COL8A1: variants seen among roughly 807,000 people sequenced by gnomAD.
COL8A1 encodes the protein collagen alpha-1(VIII) chain.
In COL8A1, 21 loss-of-function variants were observed where a neutral mutation model predicts 42.7. The observed-to-expected ratio is 0.49, with a 90% CI of 0.35 to 0.71. The LOEUF (loss-of-function observed/expected upper bound fraction) is 0.71. COL8A1 is among the 30% of genes least tolerant of loss of function. The probability of loss-of-function intolerance (pLI) is 0.01; values close to 1 mark genes in which losing one functional copy is unlikely to be tolerated. For synonymous variants in COL8A1, 367 were observed against 369.1 expected (o/e 0.99, Z 0.06); for missense variants, 788 against 962.4 (o/e 0.82, Z 2.40).
At chr3:99,725,776 G>A (rs576583322) in intron 1 of COL8A1, among the ~76,000 whole-genome samples, 37 of 151,974 alleles carry the variant, frequency 2.4e-4, no homozygotes, top group African/African-American at 8.0e-4. Context: ...ACTATTCCAT[G>A]GTGCATATGT....
chr3:99,792,035 C>G (rs1039449434), intron 3 of COL8A1, among the ~76,000 whole-genome samples: 2 of 152,278 alleles, frequency 1.3e-5, no homozygotes, highest in Middle Eastern at 3.4e-3. Flanking sequence ...GTGCTAGACA[C>G]CAGGGATTCC....
intron 1 of COL8A1, among the ~76,000 whole-genome samples, chr3:99,694,430 C>T (rs372832433): frequency 4.0e-5 from 6 of 151,800 alleles, no homozygotes; most frequent in African/African-American, 1.5e-4. Context: ...GAGCCGAGAT[C>T]GCACCACTCC....
intron 1 of COL8A1, among the ~76,000 whole-genome samples, chr3:99,736,062 C>T (rs1576455609): frequency 6.6e-6 from 1 of 151,956 alleles, no homozygotes; most frequent in Admixed American, 6.6e-5. Flanking sequence ...ATTAGTCTTG[C>T]TAGCGGTCTA....
chr3:99,776,725 C>G (rs1941700022), intron 2 of COL8A1, among the ~76,000 whole-genome samples: 1 of 152,186 alleles, frequency 6.6e-6, no homozygotes, highest in Non-Finnish European at 1.5e-5. Context: ...ATAGGCAGTG[C>G]AGCAGCTTGG....
intron 2 of COL8A1, among the ~76,000 whole-genome samples, chr3:99,759,567 C>T (rs562107058): frequency 4.5e-4 from 68 of 152,280 alleles, no homozygotes; most frequent in African/African-American, 1.5e-3. Context: ...ATGTCAGACA[C>T]ATCCATGTTC....
chr3:99,648,844 T>C (rs913164136), intron 1 of COL8A1, among the ~76,000 whole-genome samples: 15 of 152,176 alleles, frequency 9.9e-5, no homozygotes, highest in African/African-American at 3.6e-4. Flanking sequence ...TAAACATGAC[T>C]TAAATGTTTC....
chr3:99,668,071 GA>G (rs1365157835), intron 1 of COL8A1, among the ~76,000 whole-genome samples: 1 of 152,022 alleles, frequency 6.6e-6, no homozygotes, highest in Admixed American at 6.6e-5. Flanking sequence ...TAAAAGGGAA[GA>G]AATATTTGAA....
At chr3:99,652,211 G>C (rs1032674729) in intron 1 of COL8A1, among the ~76,000 whole-genome samples, 1 of 152,180 alleles carries the variant, frequency 6.6e-6, no homozygotes, top group Non-Finnish European at 1.5e-5. Flanking sequence ...GAGATGTTTA[G>C]CTTCTCATAT....
rs377382587 is a variant in COL8A1, at chr3:99,646,824, A to G, written c.-129+8160A>G. Among the ~76,000 whole-genome samples the G allele has an allele frequency of 1.9e-4, 29 of 152,356 alleles. 1 individual carries two copies. In the South Asian group the frequency reaches 5.4e-3, roughly 28 times the overall value. ...TGGCTTAAAGAGTCTTAAAAGGCTT[A>G]TATTCTTACCAATCTGTATTTTGAG... On this transcript the variant is annotated intron_variant, in intron 1 of 3. Transcript: ENST00000652472.
intron 2 of COL8A1, among the ~76,000 whole-genome samples, chr3:99,760,346 A>G (rs1308958499): frequency 1.3e-5 from 2 of 152,152 alleles, no homozygotes; most frequent in African/African-American, 4.8e-5. Context: ...GGAAGTACCA[A>G]AATAAATGGA....
chr3:99,693,459 G>T (rs190544799), intron 1 of COL8A1, among the ~76,000 whole-genome samples: 93 of 152,184 alleles, frequency 6.1e-4, no homozygotes, highest in African/African-American at 2.2e-3. Context: ...TGAAGATGTG[G>T]GTGTGGAGAA....
At position 99,645,283 on chromosome 3, in the gene COL8A1, T is replaced by C. The variant is rs555862102; in HGVS notation, c.-129+6619T>C. On this transcript the variant is annotated intron_variant, in intron 1 of 3. Coordinates refer to ENST00000652472, the MANE Select transcript of COL8A1 (RefSeq NM_020351.4). ...AATGCTATCAATCCAAACAAGCGAC[T>C]TCTTGTTAAATGGCAGACATAAGAT... Among the ~76,000 whole-genome samples the C allele has an allele frequency of 2.2e-4, 33 of 152,128 alleles. No individual in the cohort carries two copies. The South Asian group carries it at 6.6e-3, about 31-fold the overall frequency.
intron 1 of COL8A1, among the ~76,000 whole-genome samples, chr3:99,667,526 A>T (rs183701256): frequency 5.9e-5 from 9 of 152,160 alleles, no homozygotes; most frequent in Non-Finnish European, 1.2e-4. Context: ...AGGAGGAAGA[A>T]TTTTTCTCTG....
At chr3:99,729,562 G>A (rs1191098003) in intron 1 of COL8A1, among the ~76,000 whole-genome samples, 1 of 151,946 alleles carries the variant, frequency 6.6e-6, no homozygotes, top group Non-Finnish European at 1.5e-5. Context: ...TGGTGCCTTA[G>A]TACATCCTTA....
intron 1 of COL8A1, among the ~76,000 whole-genome samples, chr3:99,712,396 G>C (rs1182828896): frequency 6.6e-6 from 1 of 152,082 alleles, no homozygotes; most frequent in Non-Finnish European, 1.5e-5. Context: ...GGCAAGGCAT[G>C]TTGGCCAAGC....
chr3:99,739,603 G>T (rs189201271), intron 1 of COL8A1, among the ~76,000 whole-genome samples: 154 of 152,222 alleles, frequency 1.0e-3, no homozygotes, highest in African/African-American at 3.7e-3. Flanking sequence ...CCAAAGCTTG[G>T]GGTTTGCACC....
chr3:99,728,158 A>G (rs1940394089), intron 1 of COL8A1, among the ~76,000 whole-genome samples: 1 of 152,022 alleles, frequency 6.6e-6, no homozygotes, highest in Admixed American at 6.6e-5. Context: ...TAGGCAGGAG[A>G]AGGAATTAAA....
rs770660787 is a variant in COL8A1 at position 99,796,031 on chromosome 3, C to A, written c.2130C>A (p.Pro710=). 1.2e-6 allele frequency: 2 copies of A among 1,613,408 alleles called. No homozygotes were observed. The highest frequency in any genetic ancestry group is 4.5e-5 in the East Asian group (2 of 44,884). Residue 710 remains proline (P), a synonymous_variant, in exon 4 of 4, where the codon CCC becomes CCA. Coordinates refer to ENST00000652472, the MANE Select transcript of COL8A1 (RefSeq NM_020351.4). Reference sequence around the variant, plus strand: ...GGAGTGCAGTGCTGCTGCTCAGGCCCGGAGACCGGGTGTTCCTCCAGATGC... The same window carrying A: ...GGAGTGCAGTGCTGCTGCTCAGGCCAGGAGACCGGGTGTTCCTCCAGATGC... ...ASGSAVLLLR[P]GDRVFLQMPS...
At chr3:99,712,617 C>T (rs557818313) in intron 1 of COL8A1, among the ~76,000 whole-genome samples, 1 of 152,104 alleles carries the variant, frequency 6.6e-6, no homozygotes, top group Non-Finnish European at 1.5e-5. Flanking sequence ...TAAAAGGAAA[C>T]AGCTAAAGAT....
Sources: gnomAD v4.1 joint callset for allele counts (sites outside exome capture counted in the v4.1 genomes callset) on GRCh38, gnomAD v4.1.1 for gene constraint, MANE v1.5 for transcripts, NCBI Gene and HGNC (gene_info 2026-07-23, HGNC 2026-07-21) for gene names.